TULP4: variants seen among roughly 807,000 people sequenced by gnomAD.
TULP4 encodes tubby-related protein 4.
Under a neutral mutation model 129.0 loss-of-function variants are expected in TULP4, and 16 were observed. That is an observed-to-expected ratio of 0.12 (90% CI 0.08 to 0.19). TULP4 has a LOEUF of 0.19. Ranked by LOEUF, TULP4 falls within the 10% of genes least tolerant of loss-of-function variation. The pLI, the probability that TULP4 is intolerant of heterozygous loss-of-function variation, is 1.00. For synonymous variants in TULP4, 998 were observed against 854.0 expected (o/e 1.17, Z -2.94); for missense variants, 1,842 against 2,059.1 (o/e 0.89, Z 2.04).
chr6:158,442,807 A>C (rs1437685643), intron 3 of TULP4, among the ~76,000 whole-genome samples: 1 of 136,232 alleles, frequency 7.3e-6, no homozygotes, highest in African/African-American at 2.5e-5. Flanking sequence ...ACTCCAATTA[A>C]ATGGTTGGTT....
At chr6:158,419,312 T>A (rs946236467) in intron 2 of TULP4, among the ~76,000 whole-genome samples, 18 of 152,218 alleles carry the variant, frequency 1.2e-4, no homozygotes, top group African/African-American at 4.1e-4. Flanking sequence ...TTACCTGAAA[T>A]GTAATATATC....
intron 1 of TULP4, among the ~76,000 whole-genome samples, chr6:158,330,894 G>GT (rs971002169): frequency 2.0e-5 from 3 of 151,984 alleles, no homozygotes; most frequent in Non-Finnish European, 4.4e-5. Context: ...GGTATTTTGT[G>GT]TTTTTTTCCC....
chr6:158,354,887 CA>C (rs1453196414), intron 1 of TULP4, among the ~76,000 whole-genome samples: 80 of 108,012 alleles, frequency 7.4e-4, no homozygotes, highest in East Asian at 1.1e-3. Context: ...GACCCCATCT[CA>C]AAAAAAAAAA....
At chr6:158,397,206 G>T (rs977580072) in intron 1 of TULP4, among the ~76,000 whole-genome samples, 5 of 152,194 alleles carry the variant, frequency 3.3e-5, no homozygotes. Context: ...CCTGGCCAGG[G>T]TCACAGGTAC....
chr6:158,390,967 T>C (rs1777570378), intron 1 of TULP4, among the ~76,000 whole-genome samples: 1 of 152,060 alleles, frequency 6.6e-6, no homozygotes, highest in Admixed American at 6.6e-5. Context: ...GAACCTGTAG[T>C]CTGGAAGGCT....
At chr6:158,349,845 C>T (rs1440153051) in intron 1 of TULP4, among the ~76,000 whole-genome samples, 63 of 136,726 alleles carry the variant, frequency 4.6e-4, no homozygotes, top group African/African-American at 1.5e-3. Context: ...CGGGCAGAGG[C>T]GCTCCTCACC....
At position 158,332,181 on chromosome 6, in the gene TULP4, AAAAAAAAAAAAAAAAAAAAATATAT is replaced by A. The variant is rs1407619830; in HGVS notation, c.252+17915_252+17939del. ...AGTAAGACTCTGTCAAAAAAAAAAA[AAAAAAAAAAAAAAAAAAAAATATAT>A]ATATATATATATATATATATATAAA... On this transcript the variant is annotated intron_variant, in intron 1 of 13. Coordinates refer to ENST00000367097, the MANE Select transcript of TULP4 (RefSeq NM_020245.5). 5.4e-3 allele frequency among the ~76,000 whole-genome samples: 420 copies of A among 77,192 alleles called. 5 individuals carry two copies. Among genetic ancestry groups the A allele is most frequent in the African/African-American group, 0.021 (377 of 17,848 alleles). 50.6% of individuals were successfully genotyped at this position (77,192 alleles called of 152,430 possible).
chr6:158,439,624 G>A (rs1010734662), intron 3 of TULP4, among the ~76,000 whole-genome samples: 11 of 147,728 alleles, frequency 7.4e-5, no homozygotes, highest in Non-Finnish European at 8.9e-5. Flanking sequence ...TCCCTGCAAA[G>A]ACTTAAAAGT....
intron 1 of TULP4, among the ~76,000 whole-genome samples, chr6:158,319,428 T>C (rs1041539096): frequency 2.2e-5 from 2 of 92,854 alleles, no homozygotes; most frequent in Non-Finnish European, 4.8e-5. Flanking sequence ...TTACCTTATC[T>C]TCACTCCCTT....
At chr6:158,309,094 C>T (rs1465582338), upstream of TULP4, among the ~76,000 whole-genome samples, 79 of 85,476 alleles carry the variant, frequency 9.2e-4, 6 homozygotes, top group African/African-American at 3.1e-3. Context: ...ACTTCCCAGA[C>T]GGTGTGGTTG....
At chr6:158,360,884 C>T (rs1045610107) in intron 1 of TULP4, among the ~76,000 whole-genome samples, 7 of 152,132 alleles carry the variant, frequency 4.6e-5, no homozygotes, top group East Asian at 1.9e-4. Flanking sequence ...GCATAAATGC[C>T]ACCATTAGCA....
At chr6:158,251,966 C>T (rs192713907) in intron 1 of TULP4, among the ~76,000 whole-genome samples, 40 of 152,344 alleles carry the variant, frequency 2.6e-4, no homozygotes, top group Middle Eastern at 6.8e-3. Flanking sequence ...TGAAGCTCCA[C>T]TTTCTCTAGC....
At chr6:158,241,655 C>T (rs910694087) in intron 1 of TULP4, among the ~76,000 whole-genome samples, 12 of 152,066 alleles carry the variant, frequency 7.9e-5, no homozygotes, top group Admixed American at 4.6e-4. Context: ...AGTGCAGTGG[C>T]GTGACCTTGG....
intron 3 of TULP4, among the ~76,000 whole-genome samples, chr6:158,444,625 G>T (rs341127): frequency 6.6e-6 from 1 of 152,016 alleles, no homozygotes; most frequent in Non-Finnish European, 1.5e-5. Flanking sequence ...ATGAGATACT[G>T]TGGCTTCCAA....
intron 1 of TULP4, among the ~76,000 whole-genome samples, chr6:158,261,780 G>A (rs1778356850): frequency 6.6e-6 from 1 of 152,040 alleles, no homozygotes; most frequent in Admixed American, 6.5e-5. Flanking sequence ...GGATTCCTCC[G>A]CCTTTCTCTT....
intron 1 of TULP4, among the ~76,000 whole-genome samples, chr6:158,265,499 G>A (rs983179744): frequency 5.9e-5 from 9 of 151,790 alleles, no homozygotes; most frequent in African/African-American, 1.9e-4. Context: ...GGCCAACATG[G>A]TGAAACCCCC....
chr6:158,394,786 C>CA lies in TULP4; in HGVS notation c.253-18251dup, dbSNP rs71030166. On this transcript the variant is annotated intron_variant, in intron 1 of 13. Transcript: ENST00000367097. ...TGGGCAACTGAGCAAGGCTCTGTCTCAAAAAAAAAAAAAAAAAAAAAAAAA... is the reference window on the plus strand; with the variant it reads ...TGGGCAACTGAGCAAGGCTCTGTCTCAAAAAAAAAAAAAAAAAAAAAAAAAA... Among the ~76,000 whole-genome samples, 459 of 45,984 alleles carry CA rather than the reference C, an allele frequency of 1.0e-2. 75 individuals are homozygous for CA. Among genetic ancestry groups the CA allele is most frequent in the East Asian group, 0.066 (45 of 678 alleles). The allele number at this position is 45,984 out of a possible 152,430, so 30.2% of individuals were successfully genotyped here. A position where few individuals can be genotyped will look rare whatever the true frequency, so the allele number is the denominator to read the frequency against.
chr6:158,292,319 G>T (rs1778957207), intron 1 of TULP4, among the ~76,000 whole-genome samples: 1 of 152,220 alleles, frequency 6.6e-6, no homozygotes, highest in Non-Finnish European at 1.5e-5. Context: ...CACTGGGACA[G>T]TTCTGGGTAA....
chr6:158,494,886 A>G (rs771094334), intron 11 of TULP4, 40 bp downstream of exon 11: 1 of 1,566,620 alleles, frequency 6.4e-7, no homozygotes, highest in South Asian at 1.1e-5. Flanking sequence ...CCCAGTTGGA[A>G]CAAACTAAAA....
Sources: gnomAD v4.1 joint callset for allele counts (sites outside exome capture counted in the v4.1 genomes callset) on GRCh38, gnomAD v4.1.1 for gene constraint, MANE v1.5 for transcripts, NCBI Gene and HGNC (gene_info 2026-07-23, HGNC 2026-07-21) for gene names.